The following MTUS1 variants were observed in gnomAD, a reference collection of about 807,000 sequenced individuals.
MTUS1 encodes the protein microtubule associated scaffold protein 1, also known as microtubule-associated tumor suppressor 1.
MTUS1 carries 109 observed loss-of-function variants against 120.8 expected under a neutral mutation model. The observed-to-expected ratio is 0.90, with a 90% confidence interval of 0.77 to 1.06. The LOEUF (loss-of-function observed/expected upper bound fraction) is 1.06. Among genes scored for constraint, MTUS1 ranks in the 50% least tolerant of loss-of-function variants. The probability of loss-of-function intolerance (pLI) is 0.00; values close to 1 mark genes in which losing one functional copy is unlikely to be tolerated. For synonymous variants in MTUS1, 737 were observed against 550.5 expected (o/e 1.34, Z -4.74); for missense variants, 2,210 against 1,486.3 (o/e 1.49, Z -8.01).
At chr8:17,680,234 C>G (rs1347603985) in intron 7 of MTUS1, among the ~76,000 whole-genome samples, 1 of 151,904 alleles carries the variant, frequency 6.6e-6, no homozygotes, top group Admixed American at 6.6e-5. Context: ...AAGGCCGAGG[C>G]AGGTGGATCA....
At chr8:17,734,446 T>C (rs553805773) in intron 3 of MTUS1, among the ~76,000 whole-genome samples, 1 of 151,942 alleles carries the variant, frequency 6.6e-6, no homozygotes, top group African/African-American at 2.4e-5. Flanking sequence ...ACTGCAGTAA[T>C]TTGACAAAGG....
rs533555408 is a variant in MTUS1, at chr8:17,754,588, G to A, written c.1220C>T (p.Ser407Leu). The A allele has an allele frequency of 1.7e-5, 28 of 1,614,018 alleles. 1 individual carries two copies. The highest frequency in any genetic ancestry group is 5.5e-5 in the South Asian group (5 of 91,086). The part of the protein sequence containing the change: ...LSSPPGQKVG[S>L]SFGLTWDAND... The stretch of plus-strand genomic sequence containing the variant: ...TGCATCCCAAGTCAGTCCAAATGAC[G>A]AGCCCACCTTTTGTCCTGGCGGGCT... The change falls in exon 2 of 15, where the codon TCG becomes TTG. Residue 407 changes from serine to leucine, a missense_variant. Physicochemically the swap from Ser to Leu is moderately radical, Grantham distance 145 (BLOSUM62 -2). Transcript: ENST00000693296.
intron 8 of MTUS1, among the ~76,000 whole-genome samples, chr8:17,673,080 C>T (rs1812348632): frequency 6.6e-6 from 1 of 152,146 alleles, no homozygotes; most frequent in African/African-American, 2.4e-5. Flanking sequence ...CTGAAACACA[C>T]ACAAAAAGGC....
rs2131112339 is a variant in MTUS1 at position 17,723,631 on chromosome 8, T to C, written c.2449+41A>G. 4 of 1,584,026 alleles carry C rather than the reference T, an allele frequency of 2.5e-6. No homozygotes were observed. In the South Asian group the frequency reaches 3.3e-5, roughly 13 times the overall value. Reference sequence around the variant, plus strand: ...GAGCATTAGTTTTTCTTGTAATGACTGTTTCCACAACCCCCGAAGTGTGAT... The same window carrying C: ...GAGCATTAGTTTTTCTTGTAATGACCGTTTCCACAACCCCCGAAGTGTGAT... On this transcript the variant is annotated intron_variant, in intron 4 of 14. Transcript: ENST00000693296.
At chr8:17,697,763 T>C in intron 6 of MTUS1, 2 of 985,214 alleles carry the variant, frequency 2.0e-6, no homozygotes, top group Non-Finnish European at 2.4e-6. Context: ...CAACCAATAA[T>C]GTCACAGATC....
intron 8 of MTUS1, among the ~76,000 whole-genome samples, chr8:17,668,290 T>C (rs1811317406): frequency 6.6e-6 from 1 of 152,204 alleles, no homozygotes; most frequent in South Asian, 2.1e-4. Flanking sequence ...ACAATTCTTC[T>C]TCCAACGTGG....
At chr8:17,679,785 G>T (rs994535851) in intron 7 of MTUS1, among the ~76,000 whole-genome samples, 1 of 152,070 alleles carries the variant, frequency 6.6e-6, no homozygotes, top group South Asian at 2.1e-4. Context: ...TTACAGGTGT[G>T]AGCCACCATG....
chr8:17,723,068 G>A (rs2045952842), intron 4 of MTUS1, among the ~76,000 whole-genome samples: 1 of 152,112 alleles, frequency 6.6e-6, no homozygotes, highest in Non-Finnish European at 1.5e-5. Context: ...TGCACAGCGG[G>A]CACTCCAAGA....
chr8:17,715,092 G>C (rs35748293), intron 5 of MTUS1, among the ~76,000 whole-genome samples: 2 of 151,580 alleles, frequency 1.3e-5, no homozygotes, highest in South Asian at 2.1e-4. Context: ...TTTTAGTAGA[G>C]ATGGGGTTTT....
chr8:17,736,256 G>A (rs1428125216), intron 3 of MTUS1, among the ~76,000 whole-genome samples: 2 of 152,232 alleles, frequency 1.3e-5, no homozygotes, highest in East Asian at 3.9e-4. Flanking sequence ...TGATGTCCGT[G>A]AGGATGAAAA....
intron 3 of MTUS1, among the ~76,000 whole-genome samples, chr8:17,735,362 T>G (rs1464575691): frequency 1.3e-5 from 2 of 152,188 alleles, no homozygotes; most frequent in Non-Finnish European, 2.9e-5. Flanking sequence ...GGCCAGACAC[T>G]CTGTCTCCTA....
rs946445593 is a variant in MTUS1 at position 17,760,852 on chromosome 8, A to G, written c.-154-4891T>C. Among the ~76,000 whole-genome samples the G allele has an allele frequency of 3.3e-5, 5 of 152,018 alleles. No homozygotes were observed. The South Asian group carries it at 1.0e-3, about 31-fold the overall frequency. On this transcript the variant is annotated intron_variant, in intron 1 of 14. Coordinates refer to ENST00000693296, the MANE Select transcript of MTUS1 (RefSeq NM_001363059.2). ...AAACAAACCATCCTCACCCAAAGGGATAATTTCTCAAGTTCTCTTTTGGTA... is the reference window on the plus strand; with the variant it reads ...AAACAAACCATCCTCACCCAAAGGGGTAATTTCTCAAGTTCTCTTTTGGTA...
intron 6 of MTUS1, among the ~76,000 whole-genome samples, chr8:17,685,441 A>G (rs1214512640): frequency 6.6e-6 from 1 of 152,168 alleles, no homozygotes; most frequent in Non-Finnish European, 1.5e-5. Context: ...AAGTAATCCA[A>G]ACAAATGTAA....
intron 7 of MTUS1, among the ~76,000 whole-genome samples, chr8:17,680,343 A>G (rs1814108861): frequency 6.6e-6 from 1 of 151,902 alleles, no homozygotes; most frequent in Admixed American, 6.6e-5. Flanking sequence ...GGGCATCCGT[A>G]ATCCCAGCTA....
chr8:17,697,594 C>G, intron 6 of MTUS1: 1 of 1,324,622 alleles, frequency 7.5e-7, no homozygotes, highest in Non-Finnish European at 9.7e-7. Flanking sequence ...TCAGATGTTG[C>G]CAAAATGATG....
At chr8:17,700,407 T>G (rs55956292) in intron 6 of MTUS1, among the ~76,000 whole-genome samples, 75,006 of 146,122 alleles carry the variant, frequency 0.51, 20,360 homozygotes, top group Middle Eastern at 0.64. Context: ...GAGATGGAGG[T>G]TGCAATCAGC....
intron 3 of MTUS1, among the ~76,000 whole-genome samples, chr8:17,730,051 G>C (rs1257402409): frequency 6.6e-6 from 1 of 151,572 alleles, no homozygotes; most frequent in African/African-American, 2.4e-5. Context: ...GGAGAAACTG[G>C]AACCCTTGTG....
At chr8:17,737,369 C>A (rs575649227) in intron 3 of MTUS1, among the ~76,000 whole-genome samples, 1 of 152,336 alleles carries the variant, frequency 6.6e-6, no homozygotes, top group South Asian at 2.1e-4. Flanking sequence ...CACACAGGCA[C>A]TCAAAACATG....
intron 6 of MTUS1, among the ~76,000 whole-genome samples, chr8:17,712,843 G>T (rs1166483101): frequency 6.6e-6 from 1 of 151,922 alleles, no homozygotes; most frequent in African/African-American, 2.4e-5. Context: ...TAAAAATATA[G>T]GCTGCTGAAC....
Sources: gnomAD v4.1 joint callset for allele counts (sites outside exome capture counted in the v4.1 genomes callset) on GRCh38, gnomAD v4.1.1 for gene constraint, MANE v1.5 for transcripts, NCBI Gene and HGNC (gene_info 2026-07-23, HGNC 2026-07-21) for gene names.